The following RANBP3 variants were observed in gnomAD, a reference collection of about 807,000 sequenced individuals.
RANBP3 encodes ran-binding protein 3.
In RANBP3, 14 loss-of-function variants were observed where a neutral mutation model predicts 77.3. The observed-to-expected ratio is 0.18, with a 90% CI of 0.12 to 0.28. RANBP3 has a LOEUF of 0.28. RANBP3 is among the 10% of genes least tolerant of loss of function. RANBP3 has a pLI of 1.00. For missense variants in RANBP3, 586 were observed against 752.3 expected (o/e 0.78, Z 2.59); for synonymous variants, 315 against 312.4 (o/e 1.01, Z -0.09).
At chr19:5,957,453 C>A (rs940863745) in intron 2 of RANBP3, among the ~76,000 whole-genome samples, 6 of 152,110 alleles carry the variant, frequency 3.9e-5, no homozygotes, top group Non-Finnish European at 5.9e-5. Context: ...AATGCACGTA[C>A]GCCCAGCTCG....
Position 5,931,489 on chromosome 19 carries a change from C to T in RANBP3, c.608G>A (p.Cys203Tyr). The change falls in exon 8 of 17, where the codon TGC becomes TAC. Residue 203 changes from cysteine (C) to tyrosine (Y), a missense_variant. Cys to Tyr is a radical substitution (Grantham distance 194). Transcript: ENST00000340578. ...GGATGCTGCGGGCACTGCCCCCGTG[C>T]AGTCTGCTGGGAGGCTGACCCCGTT... ...GTNGVSLPAD[C>Y]TGAVPAASPD... 1 of 1,612,654 alleles carries T rather than the reference C, an allele frequency of 6.2e-7. No homozygotes were observed. Among genetic ancestry groups the T allele is most frequent in the Non-Finnish European group, 8.5e-7 (1 of 1,179,406 alleles).
chr19:5,932,060 TA>T (rs1487388020), intron 7 of RANBP3, among the ~76,000 whole-genome samples: 1 of 152,000 alleles, frequency 6.6e-6, no homozygotes, highest in East Asian at 1.9e-4. Flanking sequence ...AATAAATAAA[TA>T]AAATGACCTT....
chr19:5,925,006 T>C, intron 10 of RANBP3, 101 bp from the exon 11 acceptor site: 1 of 1,063,640 alleles, frequency 9.4e-7, no homozygotes, highest in Non-Finnish European at 1.5e-6. Flanking sequence ...GAGGGCACAG[T>C]GGAGGGGCCT....
intron 1 of RANBP3, chr19:5,965,647 T>G (rs2058458602): frequency 6.6e-6 from 1 of 152,246 alleles, no homozygotes; most frequent in Non-Finnish European, 1.5e-5. Flanking sequence ...AGCAAGGAGC[T>G]GGGCTGAACC....
In RANBP3 at chr19:5,951,362, C is replaced by T. The variant is rs374053790; in HGVS notation, c.282+31G>A. 5.3e-5 allele frequency: 81 copies of T among 1,539,298 alleles called. No individual in the cohort carries two copies. The African/African-American group carries it at 6.2e-4, about 12-fold the overall frequency. ...TGGTCTGGGTTGGGCTCCCCCTGGGCGGTAGGAGTGCCGGGTAGGTGTGGA... is the reference window on the plus strand; with the variant it reads ...TGGTCTGGGTTGGGCTCCCCCTGGGTGGTAGGAGTGCCGGGTAGGTGTGGA... On this transcript the variant is annotated intron_variant, in intron 3 of 16. Coordinates refer to ENST00000340578, the MANE Select transcript of RANBP3 (RefSeq NM_007322.3).
intron 2 of RANBP3, among the ~76,000 whole-genome samples, chr19:5,956,484 C>T (rs2058336296): frequency 6.6e-6 from 1 of 152,250 alleles, no homozygotes; most frequent in Non-Finnish European, 1.5e-5. Context: ...CCTGGAGAAC[C>T]AAAACAAAAC....
At chr19:5,928,632 C>A (rs930716150) in intron 8 of RANBP3, among the ~76,000 whole-genome samples, 5 of 151,878 alleles carry the variant, frequency 3.3e-5, no homozygotes, top group African/African-American at 1.2e-4. Flanking sequence ...TTGAGGAATG[C>A]CCAGGAAAAT....
At chr19:5,954,187 T>A (rs1907598178) in intron 2 of RANBP3, among the ~76,000 whole-genome samples, 1 of 152,124 alleles carries the variant, frequency 6.6e-6, no homozygotes, top group Admixed American at 6.6e-5. Flanking sequence ...AGAGGGATGG[T>A]GGAGACGAAG....
intron 3 of RANBP3, among the ~76,000 whole-genome samples, chr19:5,945,390 T>A (rs2058191188): frequency 6.6e-6 from 1 of 152,234 alleles, no homozygotes; most frequent in Admixed American, 6.5e-5. Flanking sequence ...ATTTCCAATT[T>A]TATCTCCTTG....
rs759825657 is a variant in RANBP3, at chr19:5,917,881, C to A, written c.1573G>T (p.Ala525Ser). ...VEQEQEAKMP[A>S]PEPGAAPSNE... The stretch of plus-strand genomic sequence containing the variant: ...GATGGGGCTGCCCCAGGCTCAGGCG[C>A]GGGCATCTTGGCCTCCTGCTCCTGC... The change falls in exon 16 of 17, where the codon GCG becomes TCG. Residue 525 changes from alanine (A) to serine (S), a missense_variant. Around this residue, in one of 5 missense-constraint regions of RANBP3, gnomAD observed 128 missense variants for 157.0 expected, o/e 0.82. Transcript: ENST00000340578. 8 of 1,612,672 alleles carry A rather than the reference C, an allele frequency of 5.0e-6. No homozygotes were observed. Among genetic ancestry groups the A allele is most frequent in the Non-Finnish European group, 6.8e-6 (8 of 1,179,950 alleles).
chr19:5,950,496 C>CTG (rs1165719160), intron 3 of RANBP3: 2 of 152,430 alleles, frequency 1.3e-5, no homozygotes, highest in Non-Finnish European at 2.9e-5. Flanking sequence ...TAACAGTTTC[C>CTG]TTAAAAACCG....
At chr19:5,925,334 C>G in intron 10 of RANBP3, 1 of 524,996 alleles carries the variant, frequency 1.9e-6, no homozygotes. Context: ...CTGCTCTGGG[C>G]ATGAGGTCCA....
intron 5 of RANBP3, chr19:5,935,617 G>A (rs1395071078): frequency 2.3e-6 from 1 of 440,830 alleles, no homozygotes; most frequent in Non-Finnish European, 4.6e-6. Flanking sequence ...CTAACGCTGA[G>A]GGGAGCCTGG....
At chr19:5,922,830 C>T (rs986862591) in intron 13 of RANBP3, among the ~76,000 whole-genome samples, 1 of 152,202 alleles carries the variant, frequency 6.6e-6, no homozygotes, top group Non-Finnish European at 1.5e-5. Context: ...ATCCCAGCTA[C>T]TCAGGCGACT....
chr19:5,954,888 A>G (rs2058317552), intron 2 of RANBP3, among the ~76,000 whole-genome samples: 1 of 152,190 alleles, frequency 6.6e-6, no homozygotes, highest in Admixed American at 6.5e-5. Flanking sequence ...AGTGGCAGAA[A>G]GGACTCTAGG....
At chr19:5,963,826 C>A (rs1040300367) in intron 1 of RANBP3, among the ~76,000 whole-genome samples, 1 of 152,174 alleles carries the variant, frequency 6.6e-6, no homozygotes, top group Non-Finnish European at 1.5e-5. Flanking sequence ...TGCACCAAGT[C>A]CCACATGGCT....
chr19:5,930,297 T>C (rs1456386393), intron 8 of RANBP3, among the ~76,000 whole-genome samples: 1 of 152,236 alleles, frequency 6.6e-6, no homozygotes, highest in Non-Finnish European at 1.5e-5. Flanking sequence ...TCAAATTTAA[T>C]TGTGGACAGC....
intron 6 of RANBP3, chr19:5,932,849 T>G (rs990043901): frequency 9.9e-6 from 4 of 404,162 alleles, no homozygotes; most frequent in Admixed American, 4.4e-5. Context: ...AGGAGAGCAG[T>G]GCATTCACAG....
At chr19:5,949,489 G>C (rs1363869439) in intron 3 of RANBP3, among the ~76,000 whole-genome samples, 2 of 152,344 alleles carry the variant, frequency 1.3e-5, no homozygotes, top group East Asian at 3.9e-4. Context: ...GCTCTCCTGG[G>C]GCTCCTGAAA....
Sources: gnomAD v4.1 joint callset for allele counts (sites outside exome capture counted in the v4.1 genomes callset) on GRCh38, gnomAD v4.1.1 for gene constraint, gnomAD v4.1.1 regional missense constraint, MANE v1.5 for transcripts, NCBI Gene and HGNC (gene_info 2026-07-23, HGNC 2026-07-21) for gene names.